The following SP100 variants were observed in gnomAD, a reference collection of about 807,000 sequenced individuals.
SP100 encodes the protein nuclear autoantigen Sp-100.
A neutral mutation model predicts 130.0 loss-of-function variants in SP100; 84 were observed. That is an observed-to-expected ratio of 0.65 (90% confidence interval 0.54 to 0.77). The LOEUF is 0.77. Ranked by LOEUF, SP100 falls within the 30% of genes least tolerant of loss-of-function variation. The pLI is 0.00. For synonymous variants in SP100, 331 were observed against 351.7 expected (o/e 0.94, Z 0.66); for missense variants, 978 against 1,052.2 (o/e 0.93, Z 0.97).
In SP100 at chr2:230,467,131, GACC is replaced by G. The variant is rs779702713; in HGVS notation, c.1210_1212del (p.His404del). 17 of 1,613,454 alleles carry G rather than the reference GACC, an allele frequency of 1.1e-5. No individual in the cohort carries two copies. In the African/African-American group the frequency reaches 2.3e-4, roughly 22 times the overall value. ...GCTCCTTTCTGCAGTGATAGGACAAGACCACGACTTTTCAGAATCCAGTGAGGA... is the reference window on the plus strand; with the variant it reads ...GCTCCTTTCTGCAGTGATAGGACAAGACGACTTTTCAGAATCCAGTGAGGA... On this transcript the variant is annotated inframe_deletion, in exon 13 of 29. Coordinates refer to ENST00000340126, the MANE Select transcript of SP100 (RefSeq NM_001080391.2).
chr2:230,541,507 G>T, intron 27 of SP100, 135 bp downstream of exon 27: 1 of 733,398 alleles, frequency 1.4e-6, no homozygotes. Context: ...ATTTATCATA[G>T]ATTAGGTGGC....
chr2:230,430,559 G>A (rs2063068175), intron 2 of SP100, among the ~76,000 whole-genome samples: 1 of 152,234 alleles, frequency 6.6e-6, no homozygotes, highest in Non-Finnish European at 1.5e-5. Flanking sequence ...GGGCTCATCA[G>A]GAAGGTAGCA....
chr2:230,423,366 A>G (rs1422915824), intron 2 of SP100, among the ~76,000 whole-genome samples: 1 of 151,650 alleles, frequency 6.6e-6, no homozygotes, highest in Non-Finnish European at 1.5e-5. Context: ...TATTCCTACC[A>G]TTGTTTATTA....
intron 24 of SP100, among the ~76,000 whole-genome samples, chr2:230,518,677 T>C (rs562865636): frequency 4.6e-5 from 7 of 152,202 alleles, no homozygotes; most frequent in Non-Finnish European, 8.8e-5. Context: ...AGATTACTTA[T>C]GAAAATTGAT....
At chr2:230,499,188 T>A (rs1448160694) in intron 19 of SP100, among the ~76,000 whole-genome samples, 1 of 151,938 alleles carries the variant, frequency 6.6e-6, no homozygotes, top group East Asian at 1.9e-4. Context: ...TTCACACCTG[T>A]TTCTACTAAA....
At chr2:230,478,722 C>A (rs2065685655) in intron 17 of SP100, among the ~76,000 whole-genome samples, 1 of 152,082 alleles carries the variant, frequency 6.6e-6, no homozygotes, top group East Asian at 1.9e-4. Flanking sequence ...CATTAGTTAG[C>A]CTTACAAGAA....
Position 230,538,266 on chromosome 2 carries a change from C to T in SP100, c.2095-1001C>T, listed in dbSNP as rs535166359. ...ACACCAAGTTTGCAGGCTTTCTAGA[C>T]AATGGAACTTCAAACATAGGATTTG... On this transcript the variant is annotated intron_variant, in intron 24 of 28. Transcript: ENST00000340126. 1.3e-4 allele frequency: 20 copies of T among 152,252 alleles called. No individual in the cohort carries two copies. The South Asian group carries it at 3.9e-3, about 30-fold the overall frequency. 9.4% of individuals were successfully genotyped at this position (152,252 alleles called of 1,614,324 possible).
intron 24 of SP100, among the ~76,000 whole-genome samples, chr2:230,529,642 T>C (rs147096863): frequency 0.03 from 4,508 of 152,258 alleles, 214 homozygotes; most frequent in African/African-American, 0.1. Flanking sequence ...TCAAATTGTC[T>C]CTGTTTGCAG....
At chr2:230,443,752 T>G (rs1206825716) in intron 3 of SP100, among the ~76,000 whole-genome samples, 1 of 152,186 alleles carries the variant, frequency 6.6e-6, no homozygotes, top group Non-Finnish European at 1.5e-5. Flanking sequence ...GTGGCCAAGT[T>G]CACAGCAAGG....
At chr2:230,517,190 T>C (rs1479256106) in intron 24 of SP100, among the ~76,000 whole-genome samples, 1 of 152,150 alleles carries the variant, frequency 6.6e-6, no homozygotes, top group Non-Finnish European at 1.5e-5. Flanking sequence ...GAGGTCCAAC[T>C]GGAAAATAGC....
At chr2:230,461,638 T>C (rs557566201) in intron 9 of SP100, among the ~76,000 whole-genome samples, 1 of 152,058 alleles carries the variant, frequency 6.6e-6, no homozygotes, top group Admixed American at 6.6e-5. Flanking sequence ...AGTAAGAATG[T>C]CAGAGAGGCT....
chr2:230,495,970 G>A (rs2066647471), intron 18 of SP100, among the ~76,000 whole-genome samples: 1 of 151,938 alleles, frequency 6.6e-6, no homozygotes, highest in Non-Finnish European at 1.5e-5. Context: ...ATATTTTCAA[G>A]TATAAGTAAC....
At chr2:230,501,475 T>C (rs2067019920) in intron 19 of SP100, among the ~76,000 whole-genome samples, 1 of 152,180 alleles carries the variant, frequency 6.6e-6, no homozygotes, top group Non-Finnish European at 1.5e-5. Flanking sequence ...TTTATCTTGA[T>C]GAAGTTAAAA....
intron 19 of SP100, among the ~76,000 whole-genome samples, chr2:230,501,844 G>A (rs1233969757): frequency 2.6e-5 from 4 of 152,120 alleles, no homozygotes; most frequent in Admixed American, 6.6e-5. Context: ...TGGACACACC[G>A]ATCAACACAT....
At chr2:230,483,646 C>T (rs544670166) in intron 17 of SP100, among the ~76,000 whole-genome samples, 6 of 152,084 alleles carry the variant, frequency 3.9e-5, no homozygotes, top group Admixed American at 2.6e-4. Context: ...GCAATGGTCT[C>T]GGAAGGGTGA....
At chr2:230,423,393 T>C (rs1485324487) in intron 2 of SP100, among the ~76,000 whole-genome samples, 1 of 152,168 alleles carries the variant, frequency 6.6e-6, no homozygotes, top group South Asian at 2.1e-4. Flanking sequence ...TTTCCTTTGT[T>C]TTCTTGATCA....
In SP100 at chr2:230,461,366, T is replaced by C. The variant is rs35506327; in HGVS notation, c.925T>C (p.Cys309Arg). The change falls in exon 9 of 29, where the codon TGC (cysteine) becomes CGC (arginine). Residue 309 changes from cysteine (C) to arginine (R), a missense_variant. Transcript: ENST00000340126. ...EKPFSNSKVE[C>R]QAQARTHHNQ... ...GCCATTTTCTAATTCAAAAGTTGAG[T>C]GCCAAGCCCAAGCAAGAACTCATCA... 4.5e-3 allele frequency: 7,273 copies of C among 1,614,068 alleles called. 181 individuals are homozygous for C. In the African/African-American group the frequency reaches 0.049, roughly 11 times the overall value.
intron 2 of SP100, among the ~76,000 whole-genome samples, chr2:230,429,536 G>A (rs2063038530): frequency 6.6e-6 from 1 of 152,016 alleles, no homozygotes; most frequent in African/African-American, 2.4e-5. Flanking sequence ...TTCTCTAAAT[G>A]TACTTTCTGT....
chr2:230,468,472 T>C (rs1306487486), intron 13 of SP100, among the ~76,000 whole-genome samples: 1 of 151,664 alleles, frequency 6.6e-6, no homozygotes, highest in Non-Finnish European at 1.5e-5. Context: ...ACTGCCAAAT[T>C]AGTTAGCTGC....
Sources: gnomAD v4.1 joint callset for allele counts (sites outside exome capture counted in the v4.1 genomes callset) on GRCh38, gnomAD v4.1.1 for gene constraint, MANE v1.5 for transcripts, NCBI Gene and HGNC (gene_info 2026-07-23, HGNC 2026-07-21) for gene names.